The following PDE1C variants were observed in gnomAD, a reference collection of about 807,000 sequenced individuals.
PDE1C encodes dual specificity calcium/calmodulin-dependent 3',5'-cyclic nucleotide phosphodiesterase 1C.
Under a neutral mutation model 93.1 loss-of-function variants are expected in PDE1C, and 62 were observed. That is an observed-to-expected ratio of 0.67 (90% CI 0.54 to 0.82). The LOEUF is 0.82. Among genes scored for constraint, PDE1C ranks in the 40% least tolerant of loss-of-function variants. The pLI is 0.00. For synonymous variants in PDE1C, 325 were observed against 310.1 expected, an observed-to-expected ratio of 1.05 and a Z score of -0.50; for missense variants, 742 against 884.6, an observed-to-expected ratio of 0.84 and a Z score of 2.04.
intron 2 of PDE1C, among the ~76,000 whole-genome samples, chr7:31,945,082 C>T (rs923417656): frequency 2.6e-5 from 4 of 151,754 alleles, no homozygotes; most frequent in Admixed American, 2.6e-4. Context: ...GAATGTAGTC[C>T]ATCTAAATTG....
chr7:32,037,161 A>C (rs1462992280), intron 2 of PDE1C, among the ~76,000 whole-genome samples: 1 of 152,100 alleles, frequency 6.6e-6, no homozygotes, highest in Non-Finnish European at 1.5e-5. Flanking sequence ...AGGAGTCTTT[A>C]TTTTCCCTGA....
At chr7:32,047,141 C>T (rs1268792612) in intron 2 of PDE1C, among the ~76,000 whole-genome samples, 2 of 151,220 alleles carry the variant, frequency 1.3e-5, no homozygotes, top group East Asian at 3.9e-4. Context: ...GCTCTGATAG[C>T]AATTCCTTTC....
At chr7:31,955,512 A>G (rs1394847277) in intron 2 of PDE1C, among the ~76,000 whole-genome samples, 1 of 152,210 alleles carries the variant, frequency 6.6e-6, no homozygotes, top group Non-Finnish European at 1.5e-5. Context: ...GGCAATTTCC[A>G]GAGAGTAGGT....
chr7:31,681,398 TGG>T, the PDE1C span, among the ~76,000 whole-genome samples: 2 of 151,826 alleles, frequency 1.3e-5, no homozygotes, highest in Admixed American at 1.3e-4. Flanking sequence ...GATGGATGGA[TGG>T]ATGGATGGAT....
chr7:31,635,659 G>A, the PDE1C span, among the ~76,000 whole-genome samples: 2 of 152,040 alleles, frequency 1.3e-5, no homozygotes, highest in South Asian at 4.1e-4. Flanking sequence ...AGTGTATTAG[G>A]CCGTTCTCAT....
rs1808211091 is a variant in PDE1C at position 32,237,722 on chromosome 7, C to G, written c.86-28183G>C. Among the ~76,000 whole-genome samples, 4 of 140,806 alleles carry G rather than the reference C, an allele frequency of 2.8e-5. No homozygotes were observed. The South Asian group carries it at 9.0e-4, about 32-fold the overall frequency. The allele number at this position is 140,806 out of a possible 152,430, so 92.4% of individuals were successfully genotyped here. A position where few individuals can be genotyped will look rare whatever the true frequency, so the allele number is the denominator to read the frequency against. ...GTCAATAATGAAATAAGGATAGCCACTATCCGCACTTGGCTCTGTGTATAT... is the reference window on the plus strand; with the variant it reads ...GTCAATAATGAAATAAGGATAGCCAGTATCCGCACTTGGCTCTGTGTATAT... On this transcript the variant is annotated intron_variant, in intron 1 of 18. Transcript: ENST00000396193.
intron 1 of PDE1C, among the ~76,000 whole-genome samples, chr7:32,321,740 G>A (rs1452264037): frequency 6.6e-6 from 1 of 152,138 alleles, no homozygotes; most frequent in Non-Finnish European, 1.5e-5. Flanking sequence ...TTACCAACTG[G>A]CATAAATTTC....
At chr7:31,930,237 A>AT (rs1804002333) in intron 2 of PDE1C, among the ~76,000 whole-genome samples, 1 of 152,238 alleles carries the variant, frequency 6.6e-6, no homozygotes, top group East Asian at 1.9e-4. Context: ...ATAGACCAAT[A>AT]ACAAGTTCTG....
intron 2 of PDE1C, among the ~76,000 whole-genome samples, chr7:31,929,781 A>T (rs1365617939): frequency 2.0e-5 from 3 of 152,250 alleles, no homozygotes; most frequent in African/African-American, 4.8e-5. Flanking sequence ...CACACGGCTA[A>T]AGCAATGTTT....
At chr7:31,647,711 G>GAAGACGATGACGACA in the PDE1C span, among the ~76,000 whole-genome samples, 2 of 144,280 alleles carry the variant, frequency 1.4e-5, no homozygotes, top group African/African-American at 5.1e-5. Flanking sequence ...GGAAGAAGAA[G>GAAGACGATGACGACA]ACGATGACGA....
At chr7:32,296,366 C>G (rs1728340392) in intron 1 of PDE1C, among the ~76,000 whole-genome samples, 1 of 152,204 alleles carries the variant, frequency 6.6e-6, no homozygotes, top group Non-Finnish European at 1.5e-5. Context: ...ATGATATTAG[C>G]TTAGTGCCTT....
At chr7:32,329,251 T>C (rs1279241659) in intron 1 of PDE1C, among the ~76,000 whole-genome samples, 1 of 151,970 alleles carries the variant, frequency 6.6e-6, no homozygotes, top group Admixed American at 6.6e-5. Flanking sequence ...ATAGTATCTC[T>C]CTCGGGGAGA....
chr7:31,968,017 A>G (rs569197183), intron 2 of PDE1C, among the ~76,000 whole-genome samples: 1 of 152,230 alleles, frequency 6.6e-6, no homozygotes, highest in East Asian at 1.9e-4. Flanking sequence ...GAATGGACAA[A>G]GACTGGAAGC....
chr7:32,112,830 GTGTGTGTGTGTGTGTGTATA>G (rs1249603184), intron 3 of PDE1C, among the ~76,000 whole-genome samples: 1 of 58,922 alleles, frequency 1.7e-5, no homozygotes, highest in Non-Finnish European at 3.4e-5. Context: ...GTGTGTGTGT[GTGTGTGTGTGTGTGTGTATA>G]TATATATATA....
the PDE1C span, among the ~76,000 whole-genome samples, chr7:31,619,953 A>G: frequency 3.3e-5 from 5 of 152,182 alleles, no homozygotes; most frequent in Admixed American, 1.3e-4. Context: ...CCAGGAGACT[A>G]TATCCCGCAC....
the PDE1C span, among the ~76,000 whole-genome samples, chr7:31,686,045 G>T: frequency 6.6e-6 from 1 of 152,228 alleles, no homozygotes; most frequent in African/African-American, 2.4e-5. Flanking sequence ...TGGCAAGCAG[G>T]CAGTTGAAAC....
the PDE1C span, among the ~76,000 whole-genome samples, chr7:31,718,609 G>C: frequency 6.6e-6 from 1 of 152,204 alleles, no homozygotes; most frequent in Non-Finnish European, 1.5e-5. Context: ...ATCAGCACCA[G>C]AGTGCTAGGG....
chr7:32,374,256 G>GAAAGA (rs1784389218), intron 1 of PDE1C, among the ~76,000 whole-genome samples: 76 of 113,340 alleles, frequency 6.7e-4, no homozygotes, highest in Non-Finnish European at 1.0e-3. Flanking sequence ...GAAAGGAAAG[G>GAAAGA]AAGAAAGAAA....
chr7:31,949,257 A>C (rs1807035284), intron 2 of PDE1C, among the ~76,000 whole-genome samples: 1 of 152,142 alleles, frequency 6.6e-6, no homozygotes, highest in African/African-American at 2.4e-5. Context: ...TCAGGAGTTC[A>C]AGATCAGCCT....
Sources: allele counts gnomAD v4.1 joint callset (sites outside exome capture counted in the v4.1 genomes callset), GRCh38; gene constraint gnomAD v4.1.1; transcripts MANE v1.5; gene names NCBI Gene and HGNC (gene_info 2026-07-23, HGNC 2026-07-21).